The following SCHIP1 variants were observed in gnomAD, a reference collection of about 807,000 sequenced individuals.
SCHIP1 encodes schwannomin-interacting protein 1.
In SCHIP1, 8 loss-of-function variants were observed where a neutral mutation model predicts 29.7. The ratio of observed to expected loss-of-function variants is 0.27; its 90% CI spans 0.16 to 0.49. SCHIP1 has a LOEUF of 0.49. SCHIP1 is among the 20% of genes least tolerant of loss of function. The probability of loss-of-function intolerance (pLI) is 0.99; values close to 1 mark genes in which losing one functional copy is unlikely to be tolerated. For synonymous variants in SCHIP1, 76 were observed against 94.9 expected (o/e 0.80, Z 1.16); for missense variants, 193 against 294.6 (o/e 0.66, Z 2.52).
At chr3:159,449,784 A>T in the SCHIP1 span, among the ~76,000 whole-genome samples, 1 of 152,188 alleles carries the variant, frequency 6.6e-6, no homozygotes, top group Admixed American at 6.5e-5. Context: ...GATCTTCTTT[A>T]AACAGGTTGA....
chr3:159,735,432 G>A, the SCHIP1 span, among the ~76,000 whole-genome samples: 3 of 151,850 alleles, frequency 2.0e-5, no homozygotes, highest in Non-Finnish European at 2.9e-5. Context: ...ATTTTACCAT[G>A]TTGGCCAGTC....
At chr3:159,527,751 A>G in the SCHIP1 span, among the ~76,000 whole-genome samples, 4 of 152,138 alleles carry the variant, frequency 2.6e-5, no homozygotes, top group Non-Finnish European at 5.9e-5. Context: ...TTTGTTTGCA[A>G]ATTAAGTGGG....
At chr3:159,277,909 G>A in the SCHIP1 span, among the ~76,000 whole-genome samples, 10 of 150,392 alleles carry the variant, frequency 6.6e-5, no homozygotes, top group South Asian at 4.2e-4. Context: ...GCAAAACTCC[G>A]TCTCAAAAGA....
the SCHIP1 span, among the ~76,000 whole-genome samples, chr3:159,547,754 G>T: frequency 6.6e-6 from 1 of 152,096 alleles, no homozygotes; most frequent in Non-Finnish European, 1.5e-5. Context: ...CCTCAGTTCT[G>T]TTCCACTGGT....
the SCHIP1 span, among the ~76,000 whole-genome samples, chr3:159,738,260 A>T: frequency 3.3e-5 from 5 of 151,984 alleles, no homozygotes; most frequent in Admixed American, 2.6e-4. Context: ...TACAAAAAAA[A>T]AAAATAAAGA....
the SCHIP1 span, among the ~76,000 whole-genome samples, chr3:159,570,936 GCT>G: frequency 6.6e-6 from 1 of 151,922 alleles, no homozygotes; most frequent in South Asian, 2.1e-4. Context: ...TCTTGATTTG[GCT>G]CTCTGTCTGT....
chr3:159,474,041 T>A, the SCHIP1 span, among the ~76,000 whole-genome samples: 1 of 152,124 alleles, frequency 6.6e-6, no homozygotes, highest in Non-Finnish European at 1.5e-5. Context: ...AGATGGACAC[T>A]TATTCACTCT....
chr3:159,533,353 G>A, the SCHIP1 span, among the ~76,000 whole-genome samples: 1 of 152,156 alleles, frequency 6.6e-6, no homozygotes, highest in Non-Finnish European at 1.5e-5. Context: ...GTGAAGGGGA[G>A]CAATGGACAA....
intron 2 of SCHIP1, among the ~76,000 whole-genome samples, chr3:159,871,464 G>A (rs184588288): frequency 2.6e-5 from 4 of 152,074 alleles, no homozygotes; most frequent in East Asian, 3.8e-4. Context: ...GCAAGACTTC[G>A]TCTCTATTTT....
chr3:159,850,371 T>C (rs150875332), intron 1 of SCHIP1, among the ~76,000 whole-genome samples: 1 of 151,914 alleles, frequency 6.6e-6, no homozygotes, highest in East Asian at 1.9e-4. Context: ...CTAGCCAACA[T>C]GGTGAAGCCC....
the SCHIP1 span, among the ~76,000 whole-genome samples, chr3:159,664,105 G>A: frequency 3.9e-5 from 6 of 152,176 alleles, no homozygotes; most frequent in African/African-American, 1.2e-4. Flanking sequence ...AAGCCAAGAA[G>A]GGTCATAAGG....
intron 2 of SCHIP1, among the ~76,000 whole-genome samples, chr3:159,866,844 T>C (rs576167640): frequency 1.3e-5 from 2 of 152,354 alleles, no homozygotes; most frequent in South Asian, 4.1e-4. Context: ...GTCATTTGCG[T>C]AGCTTCTAAT....
intron 1 of SCHIP1, among the ~76,000 whole-genome samples, chr3:159,855,223 G>T (rs748143679): frequency 6.6e-6 from 1 of 152,114 alleles, no homozygotes; most frequent in Non-Finnish European, 1.5e-5. Context: ...AAATGTTTAT[G>T]TGTATCGTGA....
At chr3:159,385,923 C>CT in the SCHIP1 span, among the ~76,000 whole-genome samples, 1 of 152,096 alleles carries the variant, frequency 6.6e-6, no homozygotes, top group Non-Finnish European at 1.5e-5. Context: ...TCAACTCCCA[C>CT]TTATGAGTGA....
At chr3:159,674,822 G>T in the SCHIP1 span, among the ~76,000 whole-genome samples, 4 of 152,206 alleles carry the variant, frequency 2.6e-5, no homozygotes, top group Middle Eastern at 3.4e-3. Flanking sequence ...GAATATATGG[G>T]CACATGTCTC....
chr3:159,751,965 T>C, the SCHIP1 span, among the ~76,000 whole-genome samples: 1 of 152,178 alleles, frequency 6.6e-6, no homozygotes, highest in South Asian at 2.1e-4. Context: ...CATCATCCCC[T>C]CAGGGCTATT....
the SCHIP1 span, among the ~76,000 whole-genome samples, chr3:159,770,364 A>T: frequency 6.6e-6 from 1 of 152,118 alleles, no homozygotes; most frequent in Non-Finnish European, 1.5e-5. Flanking sequence ...AGTTCAAGTG[A>T]TTCTCCTGCC....
chr3:159,814,597 G>T, the SCHIP1 span, among the ~76,000 whole-genome samples: 3 of 152,224 alleles, frequency 2.0e-5, no homozygotes, highest in African/African-American at 4.8e-5. Context: ...CCCCCAGAAA[G>T]CTGTAGCTGG....
the SCHIP1 span, among the ~76,000 whole-genome samples, chr3:159,807,468 A>G: frequency 2.0e-5 from 3 of 152,172 alleles, no homozygotes; most frequent in Non-Finnish European, 2.9e-5. Context: ...CTGTAAAAAG[A>G]TTAGCTGTTA....
Sources: gnomAD v4.1 joint callset for allele counts (sites outside exome capture counted in the v4.1 genomes callset) on GRCh38, gnomAD v4.1.1 for gene constraint, MANE v1.5 for transcripts, NCBI Gene and HGNC (gene_info 2026-07-23, HGNC 2026-07-21) for gene names.